CALCR: variants seen among roughly 807,000 people sequenced by gnomAD.
The protein encoded by CALCR is calcitonin receptor.
In CALCR, 47 loss-of-function variants were observed where a neutral mutation model predicts 59.5. The observed-to-expected ratio is 0.79, with a 90% CI of 0.63 to 1.01. The LOEUF (loss-of-function observed/expected upper bound fraction) is 1.01. Ranked by LOEUF, CALCR falls within the 50% of genes least tolerant of loss-of-function variation. CALCR has a pLI of 0.00. For synonymous variants in CALCR, 213 were observed against 211.3 expected (o/e 1.01, Z -0.07); for missense variants, 566 against 597.1 (o/e 0.95, Z 0.54).
At chr7:93,479,641 G>T in intron 3 of CALCR, 134 bp from the exon 4 acceptor site, 2 of 726,642 alleles carry the variant, frequency 2.8e-6, no homozygotes, top group Admixed American at 3.1e-5. Flanking sequence ...TCTATGTACA[G>T]TTTTTTTCAT....
At chr7:93,532,773 G>A (rs1788873018) in intron 2 of CALCR, among the ~76,000 whole-genome samples, 1 of 140,962 alleles carries the variant, frequency 7.1e-6, no homozygotes, top group Non-Finnish European at 1.5e-5. Flanking sequence ...AGACCCAAGA[G>A]GACTTCTGCA....
intron 2 of CALCR, among the ~76,000 whole-genome samples, chr7:93,544,504 A>ATT (rs1789232084): frequency 1.3e-5 from 2 of 152,074 alleles, no homozygotes; most frequent in Non-Finnish European, 2.9e-5. Context: ...AACATCTTAG[A>ATT]TGTATTTTTA....
At chr7:93,450,992 CT>C (rs951751769) in intron 8 of CALCR, among the ~76,000 whole-genome samples, 3 of 151,468 alleles carry the variant, frequency 2.0e-5, no homozygotes, top group Admixed American at 6.6e-5. Flanking sequence ...CAGGAGTAAT[CT>C]TTTTCCCCCA....
chr7:93,444,138 A>G (rs1320264466), intron 8 of CALCR, among the ~76,000 whole-genome samples: 1 of 152,136 alleles, frequency 6.6e-6, no homozygotes, highest in African/African-American at 2.4e-5. Context: ...TAACGCAGAT[A>G]TTTTTAATGC....
At chr7:93,458,533 G>T (rs1289181504) in intron 8 of CALCR, among the ~76,000 whole-genome samples, 1 of 152,134 alleles carries the variant, frequency 6.6e-6, no homozygotes, top group Non-Finnish European at 1.5e-5. Context: ...TCTCCAGCAG[G>T]GCTGCCTTGC....
intron 2 of CALCR, among the ~76,000 whole-genome samples, chr7:93,498,123 A>T (rs1455237692): frequency 6.6e-6 from 1 of 151,674 alleles, no homozygotes; most frequent in Admixed American, 6.6e-5. Flanking sequence ...CAAAACAATG[A>T]TATAAGATTT....
At chr7:93,498,494 A>G (rs1801257320) in intron 2 of CALCR, among the ~76,000 whole-genome samples, 1 of 151,756 alleles carries the variant, frequency 6.6e-6, no homozygotes, top group Non-Finnish European at 1.5e-5. Flanking sequence ...ACTTTATAGT[A>G]TCGGAACTCT....
At chr7:93,461,874 T>C (rs1374000491) in intron 7 of CALCR, among the ~76,000 whole-genome samples, 1 of 152,158 alleles carries the variant, frequency 6.6e-6, no homozygotes, top group African/African-American at 2.4e-5. Flanking sequence ...ATCTTATATT[T>C]ATCATATTTG....
chr7:93,429,916 T>TTTTTTTTTTG (rs1562923914), intron 13 of CALCR, among the ~76,000 whole-genome samples: 53 of 104,458 alleles, frequency 5.1e-4, no homozygotes, highest in South Asian at 1.5e-3. Context: ...TTTAGACGGT[T>TTTTTTTTTTG]TTTTTTTTTG....
chr7:93,503,668 G>T (rs533531377), intron 2 of CALCR, among the ~76,000 whole-genome samples: 1 of 152,304 alleles, frequency 6.6e-6, no homozygotes, highest in Non-Finnish European at 1.5e-5. Context: ...TGATAGGAAT[G>T]TTCCCTATGG....
chr7:93,558,690 T>C (rs900719252), intron 2 of CALCR, among the ~76,000 whole-genome samples: 2 of 152,084 alleles, frequency 1.3e-5, no homozygotes, highest in African/African-American at 4.8e-5. Context: ...TGGAAAGAAA[T>C]TACTGGAAGA....
At chr7:93,544,126 T>C (rs1789220184) in intron 2 of CALCR, among the ~76,000 whole-genome samples, 1 of 152,144 alleles carries the variant, frequency 6.6e-6, no homozygotes, top group African/African-American at 2.4e-5. Flanking sequence ...GATAGTAACT[T>C]TTAATTTTGT....
At chr7:93,518,898 A>G (rs1459522431) in intron 2 of CALCR, among the ~76,000 whole-genome samples, 1 of 151,954 alleles carries the variant, frequency 6.6e-6, no homozygotes, top group Non-Finnish European at 1.5e-5. Flanking sequence ...GAATGATAAA[A>G]AAAAGAAACA....
At chr7:93,440,793 C>G (rs1799885274) in intron 9 of CALCR, among the ~76,000 whole-genome samples, 3 of 152,018 alleles carry the variant, frequency 2.0e-5, no homozygotes. Flanking sequence ...CAATGTTGTA[C>G]AGCAGATACC....
chr7:93,539,438 A>G (rs1426786946), intron 2 of CALCR, among the ~76,000 whole-genome samples: 1 of 151,952 alleles, frequency 6.6e-6, no homozygotes, highest in African/African-American at 2.4e-5. Context: ...CCAGTGTTCT[A>G]GTAATACTGA....
At position 93,425,515 on chromosome 7, in the gene CALCR, C is replaced by G. The variant is rs1292965581; in HGVS notation, c.*841G>C. 1.3e-5 allele frequency: 2 copies of G among 152,460 alleles called. No homozygotes were observed. The highest frequency in any genetic ancestry group is 2.9e-5 in the Non-Finnish European group (2 of 67,990). The allele number at this position is 152,460 out of a possible 1,614,324, so 9.4% of individuals were successfully genotyped here. ...CTGGAGTTTAGGGGAGTGGCAAACTCTCTTTAAAGGGAGTATTGTCTTCCA... is the reference window on the plus strand; with the variant it reads ...CTGGAGTTTAGGGGAGTGGCAAACTGTCTTTAAAGGGAGTATTGTCTTCCA... On this transcript the variant is annotated 3_prime_UTR_variant, in exon 14 of 14. Transcript: ENST00000426151.
rs1171311610 is a variant in CALCR, at chr7:93,487,015, A to T, written c.-26-8T>A. The T allele has an allele frequency of 5.4e-6, 8 of 1,472,198 alleles. No homozygotes were observed. Among genetic ancestry groups the T allele is most frequent in the South Asian group, 1.2e-5 (1 of 85,014 alleles). 91.2% of individuals were successfully genotyped at this position (1,472,198 alleles called of 1,614,324 possible). ...TTTGAAGATCTCTTTGTCCTAGAAAAATATAAAAGCAACAAAGACTAAAAT... is the reference window on the plus strand; with the variant it reads ...TTTGAAGATCTCTTTGTCCTAGAAATATATAAAAGCAACAAAGACTAAAAT... On this transcript the variant is annotated splice_region_variant and splice_polypyrimidine_tract_variant and intron_variant, in intron 2 of 13. Transcript: ENST00000426151.
chr7:93,491,085 A>G (rs1801065571), intron 2 of CALCR, among the ~76,000 whole-genome samples: 2 of 151,850 alleles, frequency 1.3e-5, no homozygotes, highest in Non-Finnish European at 1.5e-5. Context: ...CAGAACAGAG[A>G]CCTCAGAAAT....
chr7:93,438,173 A>G (rs1020912152), intron 10 of CALCR, 37 bp downstream of exon 10: 32 of 1,611,892 alleles, frequency 2.0e-5, no homozygotes, highest in Non-Finnish European at 2.5e-5. Context: ...CATTTTGTTT[A>G]TGAATATGTT....
Sources: gnomAD v4.1 joint callset for allele counts (sites outside exome capture counted in the v4.1 genomes callset) on GRCh38, gnomAD v4.1.1 for gene constraint, MANE v1.5 for transcripts, NCBI Gene and HGNC (gene_info 2026-07-23, HGNC 2026-07-21) for gene names.